CHRM3: variants seen among roughly 807,000 people sequenced by gnomAD.
CHRM3 encodes muscarinic acetylcholine receptor M3.
CHRM3 carries 11 observed loss-of-function variants against 41.8 expected under a neutral mutation model. The observed-to-expected ratio is 0.26, with a 90% CI of 0.17 to 0.44. The LOEUF is 0.44. Ranked by LOEUF, CHRM3 falls within the 20% of genes least tolerant of loss-of-function variation. The pLI is 1.00. For missense variants in CHRM3, 571 were observed against 745.4 expected, an observed-to-expected ratio of 0.77 and a Z score of 2.72; for synonymous variants, 297 against 301.4, an observed-to-expected ratio of 0.99 and a Z score of 0.15.
At chr1:239,531,781 T>C (rs1383104568) in intron 2 of CHRM3, among the ~76,000 whole-genome samples, 2 of 146,266 alleles carry the variant, frequency 1.4e-5, no homozygotes, top group East Asian at 4.3e-4. Context: ...TGTCTCAGCC[T>C]CCCGAGTAGC....
chr1:239,885,698 G>T (rs1008624012), intron 6 of CHRM3, among the ~76,000 whole-genome samples: 1 of 152,136 alleles, frequency 6.6e-6, no homozygotes, highest in East Asian at 1.9e-4. Context: ...CCCATATACA[G>T]CGACCAAGCC....
chr1:239,546,213 T>C (rs967616362), intron 3 of CHRM3: 6 of 152,180 alleles, frequency 3.9e-5, no homozygotes, highest in Non-Finnish European at 5.9e-5. Context: ...TTTACGGTGT[T>C]GTGGAAAGAA....
At chr1:239,866,889 C>A (rs934004850) in intron 6 of CHRM3, among the ~76,000 whole-genome samples, 2 of 152,188 alleles carry the variant, frequency 1.3e-5, no homozygotes, top group Non-Finnish European at 2.9e-5. Flanking sequence ...ATCCCAACAA[C>A]CATCTGATAA....
intron 6 of CHRM3, among the ~76,000 whole-genome samples, chr1:239,830,028 A>G (rs1051900957): frequency 6.6e-6 from 1 of 152,238 alleles, no homozygotes; most frequent in African/African-American, 2.4e-5. Flanking sequence ...ATTTAATAGC[A>G]AAATGATACC....
intron 2 of CHRM3, among the ~76,000 whole-genome samples, chr1:239,515,196 A>G (rs1025771131): frequency 6.6e-6 from 1 of 152,056 alleles, no homozygotes; most frequent in Non-Finnish European, 1.5e-5. Flanking sequence ...AATAAACTGA[A>G]TATTCAAATC....
chr1:239,801,884 CA>C (rs1670248820), intron 5 of CHRM3, among the ~76,000 whole-genome samples: 1 of 152,118 alleles, frequency 6.6e-6, no homozygotes, highest in Non-Finnish European at 1.5e-5. Context: ...CCATTACTTT[CA>C]TGTTTGTGAT....
chr1:239,468,831 C>T (rs780226460), intron 1 of CHRM3, among the ~76,000 whole-genome samples: 1 of 152,172 alleles, frequency 6.6e-6, no homozygotes, highest in Non-Finnish European at 1.5e-5. Flanking sequence ...CGTAAGTCCA[C>T]TCTCCTAGCC....
At chr1:239,536,389 G>A (rs951495896) in intron 2 of CHRM3, among the ~76,000 whole-genome samples, 9 of 152,094 alleles carry the variant, frequency 5.9e-5, no homozygotes, top group African/African-American at 1.4e-4. Context: ...GAACATAATC[G>A]TAGTCATCCT....
At chr1:239,690,599 G>T (rs543697529) in intron 5 of CHRM3, among the ~76,000 whole-genome samples, 11 of 151,372 alleles carry the variant, frequency 7.3e-5, no homozygotes, top group Non-Finnish European at 1.3e-4. Context: ...AACATAAATT[G>T]AGCATATTTA....
chr1:239,392,090 A>G (rs1659083915), intron 1 of CHRM3, among the ~76,000 whole-genome samples: 1 of 152,208 alleles, frequency 6.6e-6, no homozygotes, highest in Non-Finnish European at 1.5e-5. Context: ...AATTTTAGCT[A>G]TGACCTTGGC....
intron 3 of CHRM3, among the ~76,000 whole-genome samples, chr1:239,580,704 T>TATATATATATATACACACACAC (rs570878631): frequency 5.3e-5 from 7 of 131,086 alleles, no homozygotes; most frequent in African/African-American, 2.0e-4. Flanking sequence ...TATATATATA[T>TATATATATATATACACACACAC]ACACACACAC....
At chr1:239,404,041 A>G (rs1363212662) in intron 1 of CHRM3, among the ~76,000 whole-genome samples, 20 of 139,906 alleles carry the variant, frequency 1.4e-4, no homozygotes, top group African/African-American at 4.5e-4. Flanking sequence ...TCACGCCTGT[A>G]ATCCCAGCAC....
chr1:239,457,415 T>TTA (rs1665033610), intron 1 of CHRM3, among the ~76,000 whole-genome samples: 1 of 152,222 alleles, frequency 6.6e-6, no homozygotes, highest in Non-Finnish European at 1.5e-5. Flanking sequence ...AACAGATTGT[T>TTA]ATATACGTGT....
At chr1:239,625,712 G>T (rs1235680707) in intron 3 of CHRM3, among the ~76,000 whole-genome samples, 1 of 21,252 alleles carries the variant, frequency 4.7e-5, no homozygotes, top group Non-Finnish European at 6.8e-5. Context: ...TAGCATGAAG[G>T]GTTGTTGAAT....
At chr1:239,640,606 G>A (rs1254954308) in intron 4 of CHRM3, among the ~76,000 whole-genome samples, 1 of 151,352 alleles carries the variant, frequency 6.6e-6, no homozygotes, top group African/African-American at 2.4e-5. Context: ...GGGATCAGTG[G>A]TGATATCCCC....
intron 1 of CHRM3, among the ~76,000 whole-genome samples, chr1:239,474,409 A>G (rs1043793973): frequency 1.3e-5 from 2 of 152,100 alleles, no homozygotes; most frequent in Non-Finnish European, 2.9e-5. Flanking sequence ...ATCAGCATGT[A>G]CTATAGTAAC....
chr1:239,610,337 GTATTAC>G (rs1390101408), intron 3 of CHRM3, among the ~76,000 whole-genome samples: 1 of 151,834 alleles, frequency 6.6e-6, no homozygotes, highest in Non-Finnish European at 1.5e-5. Flanking sequence ...ATCAGTTCTA[GTATTAC>G]TATTCATGCT....
intron 5 of CHRM3, among the ~76,000 whole-genome samples, chr1:239,741,244 A>C (rs1664819901): frequency 6.6e-6 from 1 of 152,184 alleles, no homozygotes; most frequent in South Asian, 2.1e-4. Context: ...TCATGGAGAA[A>C]TATGGTTAGA....
At chr1:239,436,055 T>C (rs1293013897) in intron 1 of CHRM3, among the ~76,000 whole-genome samples, 1 of 152,122 alleles carries the variant, frequency 6.6e-6, no homozygotes, top group Non-Finnish European at 1.5e-5. Flanking sequence ...TGAATAATGA[T>C]CGTGTGAGAC....
Sources: gnomAD v4.1 joint callset for allele counts (sites outside exome capture counted in the v4.1 genomes callset) on GRCh38, gnomAD v4.1.1 for gene constraint, MANE v1.5 for transcripts, NCBI Gene and HGNC (gene_info 2026-07-23, HGNC 2026-07-21) for gene names.